Variants in VPS41 observed in about 807,000 individuals in gnomAD.
VPS41 encodes vacuolar protein sorting-associated protein 41 homolog.
Under a neutral mutation model 130.9 loss-of-function variants are expected in VPS41, and 85 were observed. The observed-to-expected ratio is 0.65, with a 90% CI of 0.55 to 0.78. VPS41 has a LOEUF of 0.78. VPS41 is among the 30% of genes least tolerant of loss of function. VPS41 has a pLI of 0.00. For missense variants in VPS41, 874 were observed against 1,018.7 expected (o/e 0.86, Z 1.93); for synonymous variants, 335 against 332.9 (o/e 1.01, Z -0.07).
chr7:38,780,227 T>C (rs1784332699), intron 10 of VPS41, among the ~76,000 whole-genome samples: 1 of 149,042 alleles, frequency 6.7e-6, no homozygotes, highest in Admixed American at 6.7e-5. Flanking sequence ...GCAGAGTTCC[T>C]AAAGGTAGCC....
At chr7:38,862,662 T>A in intron 3 of VPS41, 40 bp from the exon 4 acceptor site, 1 of 1,088,016 alleles carries the variant, frequency 9.2e-7, no homozygotes, top group Non-Finnish European at 1.4e-6. Context: ...TAATTAATAA[T>A]ACTATTAATA....
intron 4 of VPS41, among the ~76,000 whole-genome samples, chr7:38,848,865 A>G (rs948888890): frequency 2.6e-5 from 4 of 152,084 alleles, no homozygotes; most frequent in Non-Finnish European, 5.9e-5. Flanking sequence ...TCTACATCCA[A>G]TCTGGGATAG....
At chr7:38,888,741 T>C (rs556608495) in intron 2 of VPS41, among the ~76,000 whole-genome samples, 6 of 152,220 alleles carry the variant, frequency 3.9e-5, no homozygotes, top group Admixed American at 2.6e-4. Flanking sequence ...CAGCACCACA[T>C]TGCACTTATT....
intron 2 of VPS41, among the ~76,000 whole-genome samples, chr7:38,883,314 C>T (rs1226521918): frequency 6.6e-6 from 1 of 152,126 alleles, no homozygotes; most frequent in Non-Finnish European, 1.5e-5. Context: ...CTTAGCTGCC[C>T]ATTACTTCTT....
chr7:38,902,670 G>A (rs1787170633), intron 1 of VPS41, among the ~76,000 whole-genome samples: 1 of 152,132 alleles, frequency 6.6e-6, no homozygotes, highest in African/African-American at 2.4e-5. Context: ...AGTTTGTGCT[G>A]CCTGCTCTGC....
At chr7:38,874,552 T>C (rs1432668778) in intron 2 of VPS41, among the ~76,000 whole-genome samples, 2 of 152,152 alleles carry the variant, frequency 1.3e-5, no homozygotes, top group Non-Finnish European at 2.9e-5. Context: ...AGATGAATGG[T>C]TTAGTTGGTT....
chr7:38,839,461 C>T (rs1350430326), intron 4 of VPS41, among the ~76,000 whole-genome samples: 1 of 152,136 alleles, frequency 6.6e-6, no homozygotes, highest in African/African-American at 2.4e-5. Flanking sequence ...CTCGCTCTGT[C>T]GCACAGGCTG....
At chr7:38,871,875 G>A (rs1427139432) in intron 2 of VPS41, among the ~76,000 whole-genome samples, 1 of 152,128 alleles carries the variant, frequency 6.6e-6, no homozygotes, top group East Asian at 1.9e-4. Context: ...TGCCCAGGCT[G>A]GACTCAAACT....
At chr7:38,830,127 G>A in intron 5 of VPS41, 127 bp downstream of exon 5, 1 of 696,980 alleles carries the variant, frequency 1.4e-6, no homozygotes, top group Non-Finnish European at 2.6e-6. Context: ...CCAATCAGAA[G>A]CAAGTTCAAT....
intron 4 of VPS41, among the ~76,000 whole-genome samples, chr7:38,851,197 G>T (rs1184635077): frequency 6.6e-6 from 1 of 152,152 alleles, no homozygotes; most frequent in Non-Finnish European, 1.5e-5. Context: ...TATAATTAGG[G>T]TAGAACTCAC....
At chr7:38,800,419 T>G (rs931823286) in intron 7 of VPS41, among the ~76,000 whole-genome samples, 4 of 152,240 alleles carry the variant, frequency 2.6e-5, no homozygotes, top group African/African-American at 9.6e-5. Context: ...ATAATTATTC[T>G]GCACTAAATA....
chr7:38,752,117 T>C, intron 22 of VPS41, 59 bp downstream of exon 22: 1 of 1,604,956 alleles, frequency 6.2e-7, no homozygotes, highest in Non-Finnish European at 8.5e-7. Flanking sequence ...GACAAACAAC[T>C]TACCATCAAT....
chr7:38,754,207 T>G (rs1409288470), intron 21 of VPS41, among the ~76,000 whole-genome samples: 31 of 152,190 alleles, frequency 2.0e-4, no homozygotes, highest in Admixed American at 2.0e-3. Context: ...GACTCTGCCC[T>G]TTTATCGCTC....
intron 4 of VPS41, among the ~76,000 whole-genome samples, chr7:38,838,967 T>G (rs1785552448): frequency 6.6e-6 from 1 of 152,228 alleles, no homozygotes; most frequent in African/African-American, 2.4e-5. Context: ...AATCTCCTAA[T>G]GTATAATTTG....
intron 7 of VPS41, among the ~76,000 whole-genome samples, chr7:38,805,510 C>G (rs537168636): frequency 6.7e-6 from 1 of 149,034 alleles, no homozygotes. Flanking sequence ...TCCAGCCTGG[C>G]AACAGAGTGA....
At chr7:38,799,941 G>A (rs1784693765) in intron 7 of VPS41, among the ~76,000 whole-genome samples, 1 of 152,092 alleles carries the variant, frequency 6.6e-6, no homozygotes, top group Admixed American at 6.5e-5. Context: ...AGTGGAGTAT[G>A]TGCAGAGAAA....
chr7:38,829,456 T>C (rs1785343427), intron 5 of VPS41, among the ~76,000 whole-genome samples: 1 of 152,236 alleles, frequency 6.6e-6, no homozygotes, highest in Non-Finnish European at 1.5e-5. Flanking sequence ...TGTAAAGATC[T>C]ATAATGATTC....
intron 22 of VPS41, among the ~76,000 whole-genome samples, chr7:38,751,670 T>C (rs1217023994): frequency 1.3e-5 from 2 of 152,060 alleles, no homozygotes; most frequent in African/African-American, 4.8e-5. Flanking sequence ...AGTAAGCAGA[T>C]AATTATAGTG....
chr7:38,830,396 G>T, intron 4 of VPS41, 68 bp from the exon 5 acceptor site: 1 of 958,996 alleles, frequency 1.0e-6, no homozygotes. Flanking sequence ...CAATGTCTTT[G>T]CTCTTTGTAA....
Sources: gnomAD v4.1 joint callset for allele counts (sites outside exome capture counted in the v4.1 genomes callset) on GRCh38, gnomAD v4.1.1 for gene constraint, MANE v1.5 for transcripts, NCBI Gene and HGNC (gene_info 2026-07-23, HGNC 2026-07-21) for gene names.